Variants in SLC25A13 observed in about 807,000 individuals in gnomAD.
SLC25A13 encodes the protein solute carrier family 25 member 13.
Under a neutral mutation model 85.5 loss-of-function variants are expected in SLC25A13, and 70 were observed. That is an observed-to-expected ratio of 0.82 (90% CI 0.68 to 1.00). The LOEUF (loss-of-function observed/expected upper bound fraction) is 1.00, where lower values mean the gene tolerates loss of function less well. Among genes scored for constraint, SLC25A13 ranks in the 50% least tolerant of loss-of-function variants. SLC25A13 has a pLI of 0.00. For synonymous variants in SLC25A13, 259 were observed against 288.7 expected (o/e 0.90, Z 1.04); for missense variants, 765 against 819.8 (o/e 0.93, Z 0.82).
intron 1 of SLC25A13, among the ~76,000 whole-genome samples, chr7:96,317,673 T>G (rs1800179781): frequency 1.3e-5 from 2 of 152,078 alleles, no homozygotes; most frequent in African/African-American, 4.8e-5. Context: ...ACAAACCTTG[T>G]AGTGGGAGCA....
intron 3 of SLC25A13, among the ~76,000 whole-genome samples, chr7:96,236,231 G>A (rs1796735928): frequency 6.6e-6 from 1 of 152,044 alleles, no homozygotes; most frequent in Non-Finnish European, 1.5e-5. Context: ...CTCAATGCCT[G>A]GGAACACTCA....
At chr7:96,247,118 C>T (rs1342987412) in intron 3 of SLC25A13, among the ~76,000 whole-genome samples, 2 of 152,130 alleles carry the variant, frequency 1.3e-5, no homozygotes, top group Non-Finnish European at 2.9e-5. Flanking sequence ...ATAATGTGTA[C>T]TATAGAGCCA....
chr7:96,180,358 TGAGACA>T (rs1794375612), intron 11 of SLC25A13, among the ~76,000 whole-genome samples: 1 of 152,180 alleles, frequency 6.6e-6, no homozygotes, highest in Admixed American at 6.5e-5. Flanking sequence ...TTTTCTAAAT[TGAGACA>T]GAGTTTCACT....
rs1401584091 is a variant in SLC25A13, at chr7:96,191,353, G to A, written c.616-106C>T. The A allele has an allele frequency of 5.9e-6, 7 of 1,190,078 alleles. No homozygotes were observed. The East Asian group carries it at 1.7e-4, about 29-fold the overall frequency. The allele number at this position is 1,190,078 out of a possible 1,614,324, so 73.7% of individuals were successfully genotyped here. The stretch of plus-strand genomic sequence containing the variant: ...AGTTTGAAAGTAATCAAAAATGCAT[G>A]TACAAGAAGAAATGACTATAAGTAT... On this transcript the variant is annotated intron_variant, in intron 6 of 17. Transcript: ENST00000265631.
intron 1 of SLC25A13, among the ~76,000 whole-genome samples, chr7:96,302,480 G>C (rs1240786953): frequency 6.6e-6 from 1 of 152,094 alleles, no homozygotes; most frequent in Non-Finnish European, 1.5e-5. Context: ...GGATGGTGGG[G>C]AAGAATATAA....
chr7:96,293,556 C>A (rs1799211499), intron 2 of SLC25A13, among the ~76,000 whole-genome samples: 1 of 152,166 alleles, frequency 6.6e-6, no homozygotes, highest in Non-Finnish European at 1.5e-5. Context: ...TATCCAGAAT[C>A]TACAAAGAAC....
rs933786658 is a variant in SLC25A13 at position 96,128,723 on chromosome 7, A to G, written c.1591+3020T>C. ...GTATAACTATGTAACAAACCTGCGC[A>G]TTCTGCACATGTATCCCAGAACTTA... On this transcript the variant is annotated intron_variant, in intron 15 of 17. Coordinates refer to ENST00000265631, the MANE Select transcript of SLC25A13 (RefSeq NM_014251.3). 4.0e-5 allele frequency among the ~76,000 whole-genome samples: 6 copies of G among 150,102 alleles called. No homozygotes were observed. The Admixed American group carries it at 4.0e-4, about 10-fold the overall frequency.
At chr7:96,135,302 C>T (rs545456339) in intron 14 of SLC25A13, among the ~76,000 whole-genome samples, 1 of 152,138 alleles carries the variant, frequency 6.6e-6, no homozygotes, top group Non-Finnish European at 1.5e-5. Context: ...CTCCCAGTTG[C>T]GTCAGGAGGC....
intron 13 of SLC25A13, among the ~76,000 whole-genome samples, chr7:96,167,830 G>A (rs886384124): frequency 2.0e-5 from 3 of 152,046 alleles, no homozygotes; most frequent in African/African-American, 7.2e-5. Flanking sequence ...TGGGCGGGGT[G>A]GCCCCATGCC....
intron 4 of SLC25A13, among the ~76,000 whole-genome samples, chr7:96,211,855 C>A (rs374273370): frequency 6.6e-6 from 1 of 152,264 alleles, no homozygotes; most frequent in South Asian, 2.1e-4. Context: ...CAGGCCCGGT[C>A]CTAAACTGAT....
At chr7:96,269,241 A>C (rs1288550971) in intron 3 of SLC25A13, among the ~76,000 whole-genome samples, 1 of 152,216 alleles carries the variant, frequency 6.6e-6, no homozygotes, top group Non-Finnish European at 1.5e-5. Flanking sequence ...AAGGCTGACC[A>C]ATGTACCCAA....
intron 5 of SLC25A13, among the ~76,000 whole-genome samples, chr7:96,205,142 T>C (rs974319441): frequency 8.5e-5 from 13 of 152,238 alleles, no homozygotes; most frequent in Admixed American, 8.5e-4. Context: ...ACTCCTGACC[T>C]CATGATCCAC....
intron 4 of SLC25A13, among the ~76,000 whole-genome samples, chr7:96,229,388 T>C (rs1191538541): frequency 1.3e-5 from 2 of 152,116 alleles, no homozygotes; most frequent in East Asian, 1.9e-4. Context: ...CAGCTCTCTG[T>C]AAAACAGACC....
intron 1 of SLC25A13, among the ~76,000 whole-genome samples, chr7:96,297,681 T>C (rs1307173713): frequency 6.6e-6 from 1 of 152,144 alleles, no homozygotes; most frequent in Non-Finnish European, 1.5e-5. Flanking sequence ...GAAATCATAT[T>C]AACTCAAGGG....
At chr7:96,155,751 C>T (rs1360460434) in intron 13 of SLC25A13, among the ~76,000 whole-genome samples, 2 of 152,182 alleles carry the variant, frequency 1.3e-5, no homozygotes, top group Admixed American at 1.3e-4. Context: ...GAAGCAAGAG[C>T]CAGACACGTG....
chr7:96,126,594 TTCAC>T (rs770215928), intron 15 of SLC25A13, among the ~76,000 whole-genome samples: 14 of 152,230 alleles, frequency 9.2e-5, no homozygotes, highest in Non-Finnish European at 1.8e-4. Flanking sequence ...CATTCTATTC[TTCAC>T]TCAAAGGTTA....
chr7:96,215,196 T>G (rs932892032), intron 4 of SLC25A13, among the ~76,000 whole-genome samples: 14 of 152,270 alleles, frequency 9.2e-5, no homozygotes, highest in African/African-American at 3.4e-4. Context: ...CCTCCCAGGT[T>G]CAAGCAATTC....
At chr7:96,299,442 A>G (rs1799474180) in intron 1 of SLC25A13, among the ~76,000 whole-genome samples, 2 of 152,240 alleles carry the variant, frequency 1.3e-5, no homozygotes, top group African/African-American at 4.8e-5. Flanking sequence ...CAGTCAGATA[A>G]GATGGATATT....
rs1040738959 is a variant in SLC25A13, at chr7:96,189,656, G to T, written c.773C>A (p.Ala258Asp). ...GGGTGTAACCTGACCAAATTTCTGAGCTGCCAGAACAAACTCCTCTGTATG... is the reference window on the plus strand; with the variant it reads ...GGGTGTAACCTGACCAAATTTCTGATCTGCCAGAACAAACTCCTCTGTATG... ...EVTKEEFVLA[A>D]QKFGQVTPME... The change falls in exon 8 of 18, where the codon GCT (alanine) becomes GAT (aspartate). Residue 258 changes from alanine to aspartate, a missense_variant. Coordinates refer to ENST00000265631, the MANE Select transcript of SLC25A13 (RefSeq NM_014251.3). The T allele has an allele frequency of 1.2e-6, 2 of 1,613,384 alleles. No homozygotes were observed. The highest frequency in any genetic ancestry group is 2.7e-5 in the African/African-American group (2 of 74,686).
Sources: gnomAD v4.1 joint callset for allele counts (sites outside exome capture counted in the v4.1 genomes callset) on GRCh38, gnomAD v4.1.1 for gene constraint, MANE v1.5 for transcripts, NCBI Gene and HGNC (gene_info 2026-07-23, HGNC 2026-07-21) for gene names.